The following NMU variants were observed in gnomAD, a reference collection of about 807,000 sequenced individuals.
NMU encodes neuromedin U.
NMU carries 29 observed loss-of-function variants against 35.4 expected under a neutral mutation model. That is an observed-to-expected ratio of 0.82 (90% CI 0.61 to 1.12). The LOEUF is 1.12. Among genes scored for constraint, NMU ranks in the 50% most tolerant of loss-of-function variants. The pLI is 0.00. For synonymous variants in NMU, 78 were observed against 81.3 expected (o/e 0.96, Z 0.22); for missense variants, 199 against 206.2 (o/e 0.97, Z 0.21).
chr4:55,608,827 A>G (rs1236237582), intron 4 of NMU, among the ~76,000 whole-genome samples: 2 of 152,124 alleles, frequency 1.3e-5, no homozygotes, highest in Non-Finnish European at 2.9e-5. Flanking sequence ...AGCATGAGTC[A>G]GGGCAAAAAA....
At chr4:55,619,264 T>A (rs548981660) in intron 2 of NMU, among the ~76,000 whole-genome samples, 2 of 148,288 alleles carry the variant, frequency 1.3e-5, no homozygotes, top group African/African-American at 2.5e-5. Flanking sequence ...CGGGTTCATC[T>A]CACTAGGGAG....
intron 1 of NMU, among the ~76,000 whole-genome samples, chr4:55,631,857 T>C (rs1177818791): frequency 8.4e-6 from 1 of 118,962 alleles, no homozygotes; most frequent in Non-Finnish European, 1.9e-5. Context: ...AAAAGACACA[T>C]GCACACACAT....
At chr4:55,600,475 T>A in intron 8 of NMU, 47 bp downstream of exon 8, 1 of 1,236,120 alleles carries the variant, frequency 8.1e-7, no homozygotes, top group Non-Finnish European at 1.2e-6. Flanking sequence ...AACATATTTT[T>A]AAATTTTGGT....
rs1000854931 is a variant in NMU at position 55,615,719 on chromosome 4, C to T, written c.219+619G>A. ...ACTTGTGTCACAGGGGTCTGTTATA[C>T]AGATTATTTCATCACCCAGGTACTA... On this transcript the variant is annotated intron_variant, in intron 3 of 9. Coordinates refer to ENST00000264218, the MANE Select transcript of NMU (RefSeq NM_006681.4). Among the ~76,000 whole-genome samples, 17 of 152,202 alleles carry T rather than the reference C, an allele frequency of 1.1e-4. No homozygotes were observed. The South Asian group carries it at 3.5e-3, about 32-fold the overall frequency.
At chr4:55,596,785 A>G (rs936606425) in intron 9 of NMU, among the ~76,000 whole-genome samples, 1 of 152,182 alleles carries the variant, frequency 6.6e-6, no homozygotes, top group African/African-American at 2.4e-5. Context: ...TGGCTAACAC[A>G]TTAAGAACTA....
At chr4:55,601,088 G>A (rs1377970446) in intron 7 of NMU, among the ~76,000 whole-genome samples, 1 of 152,002 alleles carries the variant, frequency 6.6e-6, no homozygotes, top group Admixed American at 6.6e-5. Flanking sequence ...TGAAGCTTTA[G>A]GATAGATGTT....
intron 7 of NMU, among the ~76,000 whole-genome samples, chr4:55,603,976 T>C (rs1174131263): frequency 1.9e-5 from 2 of 106,816 alleles, no homozygotes; most frequent in Non-Finnish European, 2.0e-5. Flanking sequence ...TACGTATATA[T>C]GTATATATGT....
chr4:55,617,913 A>G (rs1198489370), intron 2 of NMU, among the ~76,000 whole-genome samples: 3 of 152,250 alleles, frequency 2.0e-5, no homozygotes, highest in Admixed American at 6.5e-5. Context: ...GAATAAAAAC[A>G]TCAGACTTTT....
chr4:55,596,311 A>G (rs1161196837), intron 9 of NMU, among the ~76,000 whole-genome samples: 1 of 151,228 alleles, frequency 6.6e-6, no homozygotes, highest in African/African-American at 2.4e-5. Context: ...GTTTATGGAC[A>G]CCCTAATCTT....
At chr4:55,604,555 C>T (rs1236376631) in intron 7 of NMU, among the ~76,000 whole-genome samples, 10 of 141,412 alleles carry the variant, frequency 7.1e-5, no homozygotes, top group African/African-American at 2.4e-4. Flanking sequence ...TTTTTTGAGA[C>T]GGAGTCTTGC....
At chr4:55,610,330 G>C (rs780251746) in intron 3 of NMU, among the ~76,000 whole-genome samples, 33 of 152,148 alleles carry the variant, frequency 2.2e-4, no homozygotes, top group Non-Finnish European at 3.8e-4. Flanking sequence ...GGGCATGTTA[G>C]CACACGCCTG....
rs190635256 is a variant in NMU at position 55,596,727 on chromosome 4, C to T, written c.*5-1316G>A. Among the ~76,000 whole-genome samples the T allele has an allele frequency of 5.1e-4, 77 of 152,234 alleles. 2 individuals carry two copies. The highest frequency in any genetic ancestry group is 3.2e-3 in the Admixed American group (49 of 15,298). ...CCATGAGCACATTAAATTTTTCCTT[C>T]GCTTTTCCACTATTTGAATCTTTTA... On this transcript the variant is annotated intron_variant, in intron 9 of 9. Transcript: ENST00000264218.
intron 9 of NMU, among the ~76,000 whole-genome samples, chr4:55,597,450 C>A (rs1463950346): frequency 6.6e-6 from 1 of 151,972 alleles, no homozygotes; most frequent in East Asian, 1.9e-4. Context: ...CTCACTGCAA[C>A]CTCTCCCTCC....
At chr4:55,629,723 G>T (rs1560526816) in intron 2 of NMU, among the ~76,000 whole-genome samples, 2 of 151,272 alleles carry the variant, frequency 1.3e-5, no homozygotes, top group South Asian at 4.2e-4. Context: ...TTAATTGTAT[G>T]ATTATGTCGT....
chr4:55,625,957 T>C (rs538129232), intron 2 of NMU, among the ~76,000 whole-genome samples: 1 of 152,234 alleles, frequency 6.6e-6, no homozygotes, highest in South Asian at 2.1e-4. Context: ...CAAGCAAAGC[T>C]ATAATCAACC....
At chr4:55,598,604 A>G (rs1439557914) in intron 9 of NMU, among the ~76,000 whole-genome samples, 3 of 152,216 alleles carry the variant, frequency 2.0e-5, no homozygotes, top group Admixed American at 6.5e-5. Context: ...CTGAGGTAGA[A>G]ATTCTGGTAG....
At chr4:55,636,340 G>A (rs944337467), upstream of NMU, 1 of 1,234,978 alleles carries the variant, frequency 8.1e-7, no homozygotes, top group Non-Finnish European at 1.1e-6. The surrounding 1 kb of genome is among the most constrained non-coding windows in gnomAD (Gnocchi z 4.0). Flanking sequence ...TCGCGCACAA[G>A]TGGGCTGGGC....
intron 3 of NMU, among the ~76,000 whole-genome samples, chr4:55,611,615 A>T (rs1248517811): frequency 1.3e-5 from 2 of 152,054 alleles, no homozygotes; most frequent in Non-Finnish European, 2.9e-5. Flanking sequence ...CAAGTGTATC[A>T]TTTTTTATCT....
intron 2 of NMU, among the ~76,000 whole-genome samples, chr4:55,617,871 A>G (rs1003188938): frequency 3.9e-5 from 6 of 152,218 alleles, no homozygotes; most frequent in African/African-American, 9.7e-5. Flanking sequence ...AAGAACAGAG[A>G]ACCCTTGAAT....
Sources: allele counts gnomAD v4.1 joint callset (sites outside exome capture counted in the v4.1 genomes callset), GRCh38; gene constraint gnomAD v4.1.1; non-coding constraint Gnocchi (gnomAD v3.1); transcripts MANE v1.5; gene names NCBI Gene and HGNC (gene_info 2026-07-23, HGNC 2026-07-21).